POF1B: variants seen among roughly 807,000 people sequenced by gnomAD.
The protein encoded by POF1B is protein POF1B.
Under a neutral mutation model 55.3 loss-of-function variants are expected in POF1B, and 53 were observed. That is an observed-to-expected ratio of 0.96 (90% CI 0.77 to 1.20). The LOEUF (loss-of-function observed/expected upper bound fraction) is 1.20. Among genes scored for constraint, POF1B ranks in the 50% most tolerant of loss-of-function variants. The pLI is 0.00. For synonymous variants in POF1B, 188 were observed against 148.3 expected, an observed-to-expected ratio of 1.27 and a Z score of -1.95; for missense variants, 478 against 420.5, an observed-to-expected ratio of 1.14 and a Z score of -1.20.
At position 85,282,192 on chromosome X, in the gene POF1B, A is replaced by G. The variant is rs1195640355; in HGVS notation, c.1764+11T>C. The G allele has an allele frequency of 8.5e-7, 1 of 1,180,500 alleles. No individual in the cohort carries two copies. Among genetic ancestry groups the G allele is most frequent in the Admixed American group, 2.4e-5 (1 of 42,040 alleles). Reference sequence around the variant, plus strand: ...GTCAAAATAGGGCTAAAAATGCCCAAGTGAACTTACACAAGTGTATTTGTC... The same window carrying G: ...GTCAAAATAGGGCTAAAAATGCCCAGGTGAACTTACACAAGTGTATTTGTC... On this transcript the variant is annotated intron_variant, in intron 16 of 16. Coordinates refer to ENST00000262753, the MANE Select transcript of POF1B (RefSeq NM_024921.4).
Position 85,303,414 on chromosome X carries a change from G to T in POF1B, c.1641C>A (p.Thr547=), listed in dbSNP as rs750794633. The T allele has an allele frequency of 8.7e-7, 1 of 1,151,397 alleles. No individual in the cohort carries two copies. The highest frequency in any genetic ancestry group is 1.2e-6 in the Non-Finnish European group (1 of 849,689). 94.9% of individuals were successfully genotyped at this position (1,151,397 alleles called of 1,213,427 possible). The change falls in exon 15 of 17, where the codon ACC becomes ACA. Residue 547 remains threonine (T), a synonymous_variant. Transcript: ENST00000262753. ...ATTTAAAAATACATTACTTTTTAGT[G>T]GTAATAGTAGTCCTTCCACCAGTGG... is the stretch of plus-strand genomic sequence containing the variant. ...QPSTGGRTTI[T]TKKYRTQYPI... is the part of the protein sequence containing the mutation.
intron 15 of POF1B, among the ~76,000 whole-genome samples, chrX:85,295,069 C>T (rs1322758034): frequency 9.0e-6 from 1 of 111,290 alleles, no homozygotes; most frequent in African/African-American, 3.3e-5. Flanking sequence ...GTTGTAAAGC[C>T]ATCTTTTTTA....
At chrX:85,353,656 G>A (rs976709515) in intron 4 of POF1B, among the ~76,000 whole-genome samples, 1 of 110,794 alleles carries the variant, frequency 9.0e-6, no homozygotes, top group East Asian at 2.9e-4. Flanking sequence ...AAATGTCTGG[G>A]TAGACACTCA....
chrX:85,298,872 C>T (rs1164342354), intron 15 of POF1B, among the ~76,000 whole-genome samples: 1 of 110,606 alleles, frequency 9.0e-6, no homozygotes, highest in Non-Finnish European at 1.9e-5. Flanking sequence ...AATTTGAGGC[C>T]AGCCTGGGCA....
intron 15 of POF1B, among the ~76,000 whole-genome samples, chrX:85,286,248 G>A (rs1185011977): frequency 4.5e-5 from 5 of 110,531 alleles, no homozygotes; most frequent in Non-Finnish European, 9.5e-5. Flanking sequence ...TAATATTATT[G>A]GAAGTCGGCA....
At chrX:85,303,517 T>C (rs774506723) in intron 14 of POF1B, 29 bp from the exon 15 acceptor site, 127 of 947,835 alleles carry the variant, frequency 1.3e-4, no homozygotes, top group Admixed American at 6.3e-4. Context: ...TATAATCATT[T>C]GATGGAAAGT....
chrX:85,305,830 G>C lies in POF1B; in HGVS notation c.1398C>G (p.Asn466Lys). The C allele has an allele frequency of 8.3e-7, 1 of 1,209,243 alleles. No homozygotes were observed. Among genetic ancestry groups the C allele is most frequent in the Non-Finnish European group, 1.1e-6 (1 of 893,969 alleles). Residue 466 changes from asparagine to lysine, a missense_variant, in exon 13 of 17, where the codon AAC becomes AAG. Physicochemically the swap from Asn to Lys is moderately conservative, Grantham distance 94 (BLOSUM62 0). Coordinates refer to ENST00000262753, the MANE Select transcript of POF1B (RefSeq NM_024921.4). ...TCTCTCTATCTTTCTCCATTCTCAA[G>C]TTTTTTACCATCTCCGTGTAGTGGT... is the stretch of plus-strand genomic sequence containing the variant. ...IGNHYTEMVK[N>K]LRMEKDREIC...
intron 7 of POF1B, among the ~76,000 whole-genome samples, chrX:85,323,426 C>T (rs1488201265): frequency 2.0e-5 from 2 of 99,419 alleles, no homozygotes; most frequent in African/African-American, 7.5e-5. Context: ...AGGGGAACAT[C>T]ACACTCTGGG....
intron 7 of POF1B, among the ~76,000 whole-genome samples, chrX:85,318,344 T>C (rs1403786196): frequency 8.9e-6 from 1 of 112,270 alleles, no homozygotes; most frequent in Non-Finnish European, 1.9e-5. Flanking sequence ...GTTGATAGTT[T>C]ATTTTGCTGT....
chrX:85,320,030 T>C (rs73234698), intron 7 of POF1B, among the ~76,000 whole-genome samples: 5,100 of 111,039 alleles, frequency 0.046, 112 homozygotes, highest in Non-Finnish European at 0.069. Context: ...CTAGGCTCTT[T>C]ATTACTGACT....
chrX:85,361,643 A>G (rs1933621982), intron 3 of POF1B, among the ~76,000 whole-genome samples: 1 of 111,398 alleles, frequency 9.0e-6, no homozygotes, highest in Non-Finnish European at 1.9e-5. Context: ...GGGTAGCGTG[A>G]TGTCTCCAGC....
chrX:85,304,307 A>G (rs757208379), intron 14 of POF1B, 36 bp downstream of exon 14: 12 of 1,119,954 alleles, frequency 1.1e-5, no homozygotes, highest in Non-Finnish European at 1.4e-5. Context: ...ACTAAGTTGT[A>G]TTACTTTTCT....
At chrX:85,345,452 G>T (rs1168559111) in intron 6 of POF1B, among the ~76,000 whole-genome samples, 6 of 111,075 alleles carry the variant, frequency 5.4e-5, no homozygotes, top group African/African-American at 2.0e-4. Flanking sequence ...TATTCTCAAA[G>T]AAGACATACA....
At chrX:85,374,985 A>G (rs1339502563) in intron 2 of POF1B, among the ~76,000 whole-genome samples, 1 of 112,050 alleles carries the variant, frequency 8.9e-6, no homozygotes, top group East Asian at 2.8e-4. Context: ...AACCGAATGT[A>G]TAATAGAACT....
intron 2 of POF1B, among the ~76,000 whole-genome samples, chrX:85,373,073 C>T (rs1412134418): frequency 1.8e-5 from 2 of 110,654 alleles, no homozygotes; most frequent in Non-Finnish European, 3.8e-5. Context: ...TTTTTGTCCT[C>T]TAATGTATTT....
At chrX:85,348,250 G>T (rs756317427) in intron 5 of POF1B, among the ~76,000 whole-genome samples, 12 of 110,462 alleles carry the variant, frequency 1.1e-4, no homozygotes, top group Admixed American at 1.9e-4. Flanking sequence ...TTACACTAAA[G>T]TTCTTTTTCT....
At chrX:85,309,265 A>G (rs1932644209) in intron 9 of POF1B, among the ~76,000 whole-genome samples, 1 of 108,793 alleles carries the variant, frequency 9.2e-6, no homozygotes, top group Admixed American at 9.9e-5. Flanking sequence ...ACATAAAATT[A>G]TATAACTGTG....
Position 85,277,413 on chromosome X carries a change from A to G in POF1B, c.*2008T>C, listed in dbSNP as rs1010496803. On this transcript the variant is annotated 3_prime_UTR_variant, in exon 17 of 17. Transcript: ENST00000262753. ...GAATTGGGTATCCATCCACTCAAGT[A>G]TTTATTTGTGTTACAAACAATCCAA... 1 of 111,032 alleles carries G rather than the reference A, an allele frequency of 9.0e-6. No individual in the cohort carries two copies. Among genetic ancestry groups the G allele is most frequent in the Non-Finnish European group, 1.9e-5 (1 of 52,618 alleles). 9.2% of individuals were successfully genotyped at this position (111,032 alleles called of 1,213,427 possible). A position where few individuals can be genotyped will look rare whatever the true frequency, so the allele number is the denominator to read the frequency against.
intron 7 of POF1B, among the ~76,000 whole-genome samples, chrX:85,323,811 T>G (rs1932867638): frequency 9.1e-6 from 1 of 110,403 alleles, no homozygotes; most frequent in African/African-American, 3.3e-5. Flanking sequence ...GGTTTTGGGT[T>G]GTTAATTTGA....
Sources: allele counts gnomAD v4.1 joint callset (sites outside exome capture counted in the v4.1 genomes callset), GRCh38; gene constraint gnomAD v4.1.1; transcripts MANE v1.5; gene names NCBI Gene and HGNC (gene_info 2026-07-23, HGNC 2026-07-21).